Variants in CNTNAP5 observed in about 807,000 individuals in gnomAD.
CNTNAP5 encodes the protein contactin associated protein family member 5.
A neutral mutation model predicts 150.2 loss-of-function variants in CNTNAP5; 72 were observed. That is an observed-to-expected ratio of 0.48 (90% CI 0.40 to 0.58). The LOEUF (loss-of-function observed/expected upper bound fraction) is 0.58. Among genes scored for constraint, CNTNAP5 ranks in the 20% least tolerant of loss-of-function variants. The pLI is 0.00. For missense variants in CNTNAP5, 1,636 were observed against 1,626.2 expected, an observed-to-expected ratio of 1.01 and a Z score of -0.10; for synonymous variants, 672 against 619.8, an observed-to-expected ratio of 1.08 and a Z score of -1.25.
chr2:124,392,711 GGAAAA>G (rs769439201), intron 3 of CNTNAP5, among the ~76,000 whole-genome samples: 13,034 of 102,722 alleles, frequency 0.13, 1,015 homozygotes, highest in African/African-American at 0.26. Flanking sequence ...AAAAAAAAAA[GGAAAA>G]GAAGGAGGGG....
chr2:124,076,031 T>A (rs1682428856), intron 1 of CNTNAP5, among the ~76,000 whole-genome samples: 1 of 152,286 alleles, frequency 6.6e-6, no homozygotes, highest in East Asian at 1.9e-4. Context: ...TTGCCCATGA[T>A]ATGGAAAAGA....
chr2:124,784,284 G>A (rs1204903875), intron 17 of CNTNAP5, among the ~76,000 whole-genome samples: 2 of 152,184 alleles, frequency 1.3e-5, no homozygotes, highest in African/African-American at 4.8e-5. Context: ...TTTTGCTGGA[G>A]CATGTGCAGG....
rs538875686 is a variant in CNTNAP5, at chr2:124,858,288, C to T, written c.3218-7018C>T. ...TTGTACCTGTTTGCAGATGGCATGA[C>T]TGTATATCTAAAACACCCCATCATC... On this transcript the variant is annotated intron_variant, in intron 19 of 23. Transcript: ENST00000682447. Among the ~76,000 whole-genome samples, 3 of 152,266 alleles carry T rather than the reference C, an allele frequency of 2.0e-5. No homozygotes were observed. The South Asian group carries it at 6.2e-4, about 32-fold the overall frequency.
intron 14 of CNTNAP5, among the ~76,000 whole-genome samples, chr2:124,757,538 C>T (rs1430693216): frequency 1.3e-5 from 2 of 152,198 alleles, no homozygotes; most frequent in Admixed American, 6.5e-5. Context: ...TAGGCAAATG[C>T]TTTGGCATCT....
Position 124,221,689 on chromosome 2 carries a change from C to G in CNTNAP5, c.83-16C>G, listed in dbSNP as rs370359251. 3.0e-5 allele frequency: 46 copies of G among 1,520,054 alleles called. No individual in the cohort carries two copies. The African/African-American group carries it at 6.0e-4, about 20-fold the overall frequency. The allele number at this position is 1,520,054 out of a possible 1,614,324, so 94.2% of individuals were successfully genotyped here. A position where few individuals can be genotyped will look rare whatever the true frequency, so the allele number is the denominator to read the frequency against. ...TAGAATCTGGTCTCTCTCCCTCTGT[C>G]CTCCTATCATTATAGACAACTGTGA... On this transcript the variant is annotated splice_polypyrimidine_tract_variant and intron_variant, in intron 1 of 23. Transcript: ENST00000682447.
At chr2:124,036,128 G>T (rs987919427) in intron 1 of CNTNAP5, among the ~76,000 whole-genome samples, 1 of 150,826 alleles carries the variant, frequency 6.6e-6, no homozygotes, top group African/African-American at 2.4e-5. Flanking sequence ...GTTTCACCTT[G>T]TTAGCCAGGA....
rs371851091 is a variant in CNTNAP5 at position 124,414,796 on chromosome 2, G to A, written c.382-2647G>A. 1.6e-4 allele frequency among the ~76,000 whole-genome samples: 25 copies of A among 152,144 alleles called. No individual in the cohort carries two copies. The East Asian group carries it at 2.7e-3, about 17-fold the overall frequency. ...AGAAGGGGCAGCCAGTCATTTGAAGGTGGATAAGTTTCTACTGCACATTTG... is the reference window on the plus strand; with the variant it reads ...AGAAGGGGCAGCCAGTCATTTGAAGATGGATAAGTTTCTACTGCACATTTG... On this transcript the variant is annotated intron_variant, in intron 3 of 23. Coordinates refer to ENST00000682447, the MANE Select transcript of CNTNAP5 (RefSeq NM_001367498.1).
In CNTNAP5 at chr2:124,481,904, T is replaced by C. The variant is rs528721584; in HGVS notation, c.1062+7022T>C. On this transcript the variant is annotated intron_variant, in intron 7 of 23. Coordinates refer to ENST00000682447, the MANE Select transcript of CNTNAP5 (RefSeq NM_001367498.1). ...AAATGAATATAATTGGGTCAAAGATTGTGAACTTTTGACTCAACCCACATT... is the reference window on the plus strand; with the variant it reads ...AAATGAATATAATTGGGTCAAAGATCGTGAACTTTTGACTCAACCCACATT... Among the ~76,000 whole-genome samples the C allele has an allele frequency of 3.3e-5, 5 of 152,342 alleles. No individual in the cohort carries two copies. In the East Asian group the frequency reaches 9.6e-4, roughly 29 times the overall value.
In CNTNAP5 at chr2:124,400,678, T is replaced by TG. The variant is rs199580528; in HGVS notation, c.382-16765_382-16764insG. The stretch of plus-strand genomic sequence containing the variant: ...AAAGGATAAAGGCATTGTTTTTTTT[T>TG]TTTTTTTTTTGTTTTTTTTCTTTAG... On this transcript the variant is annotated intron_variant, in intron 3 of 23. Coordinates refer to ENST00000682447, the MANE Select transcript of CNTNAP5 (RefSeq NM_001367498.1). 7.5e-3 allele frequency among the ~76,000 whole-genome samples: 795 copies of TG among 106,008 alleles called. 15 individuals are homozygous for TG. The highest frequency in any genetic ancestry group is 0.037 in the South Asian group (88 of 2,390). 69.5% of individuals were successfully genotyped at this position (106,008 alleles called of 152,430 possible).
chr2:124,095,955 G>C (rs1244602063), intron 1 of CNTNAP5, among the ~76,000 whole-genome samples: 1 of 152,118 alleles, frequency 6.6e-6, no homozygotes, highest in Admixed American at 6.5e-5. Flanking sequence ...ATAGTAAATT[G>C]CTCAACATTG....
At chr2:124,222,470 C>A (rs543888617) in intron 2 of CNTNAP5, among the ~76,000 whole-genome samples, 1 of 151,998 alleles carries the variant, frequency 6.6e-6, no homozygotes, top group South Asian at 2.1e-4. Flanking sequence ...ATAAATACTG[C>A]AAAAGAGATT....
At chr2:124,567,882 T>TAG (rs1553480455) in intron 11 of CNTNAP5, among the ~76,000 whole-genome samples, 20 of 137,906 alleles carry the variant, frequency 1.5e-4, no homozygotes, top group African/African-American at 4.6e-4. Flanking sequence ...GATAGATAGA[T>TAG]ATAGATAGAT....
intron 1 of CNTNAP5, among the ~76,000 whole-genome samples, chr2:124,127,252 C>G (rs1683729159): frequency 6.6e-6 from 1 of 152,056 alleles, no homozygotes; most frequent in Admixed American, 6.6e-5. Context: ...ACAAGCATTT[C>G]TATACACCAA....
intron 3 of CNTNAP5, among the ~76,000 whole-genome samples, chr2:124,416,791 T>C (rs1691928828): frequency 6.6e-6 from 1 of 152,254 alleles, no homozygotes; most frequent in East Asian, 1.9e-4. Flanking sequence ...TAAAAGCAGA[T>C]TGTCAGTTAT....
At chr2:124,563,660 AG>A (rs1017115610) in intron 11 of CNTNAP5, among the ~76,000 whole-genome samples, 1 of 152,222 alleles carries the variant, frequency 6.6e-6, no homozygotes, top group Non-Finnish European at 1.5e-5. Flanking sequence ...ATGAGTTGTT[AG>A]GTGGCTATAA....
chr2:124,209,162 G>A (rs953672764), intron 1 of CNTNAP5, among the ~76,000 whole-genome samples: 7 of 152,018 alleles, frequency 4.6e-5, no homozygotes, highest in African/African-American at 1.2e-4. Flanking sequence ...CAGACTTCAA[G>A]GCCCTACACA....
At chr2:124,791,881 A>C (rs1047768490) in intron 18 of CNTNAP5, among the ~76,000 whole-genome samples, 7 of 151,956 alleles carry the variant, frequency 4.6e-5, no homozygotes, top group African/African-American at 1.7e-4. Context: ...GTATTTTACT[A>C]TTTCCAAACT....
intron 1 of CNTNAP5, among the ~76,000 whole-genome samples, chr2:124,116,676 G>A (rs751516643): frequency 7.9e-5 from 12 of 152,174 alleles, no homozygotes; most frequent in Non-Finnish European, 1.5e-4. Flanking sequence ...TCCTAGAAAT[G>A]TGGGTCATGT....
intron 1 of CNTNAP5, among the ~76,000 whole-genome samples, chr2:124,172,439 G>A (rs998639556): frequency 1.3e-5 from 2 of 152,036 alleles, no homozygotes; most frequent in African/African-American, 4.8e-5. Flanking sequence ...TTGAGACATG[G>A]CCTCACTCTA....
Sources: gnomAD v4.1 joint callset for allele counts (sites outside exome capture counted in the v4.1 genomes callset) on GRCh38, gnomAD v4.1.1 for gene constraint, MANE v1.5 for transcripts, NCBI Gene and HGNC (gene_info 2026-07-23, HGNC 2026-07-21) for gene names.